OSBPL10: variants seen among roughly 807,000 people sequenced by gnomAD.
OSBPL10 encodes the protein oxysterol-binding protein-related protein 10.
Under a neutral mutation model 81.7 loss-of-function variants are expected in OSBPL10, and 49 were observed. The ratio of observed to expected loss-of-function variants is 0.60; its 90% CI spans 0.48 to 0.76. The LOEUF (loss-of-function observed/expected upper bound fraction) is 0.76, where lower values mean the gene tolerates loss of function less well. Ranked by LOEUF, OSBPL10 falls within the 30% of genes least tolerant of loss-of-function variation. The probability of loss-of-function intolerance (pLI) is 0.00; values close to 1 mark genes in which losing one functional copy is unlikely to be tolerated. For synonymous variants in OSBPL10, 419 were observed against 383.6 expected, an observed-to-expected ratio of 1.09 and a Z score of -1.08; for missense variants, 923 against 987.8, an observed-to-expected ratio of 0.93 and a Z score of 0.88.
chr3:31,882,686 C>T (rs1017664480), intron 1 of OSBPL10, among the ~76,000 whole-genome samples: 1 of 152,182 alleles, frequency 6.6e-6, no homozygotes, highest in Non-Finnish European at 1.5e-5. Context: ...CACACACACA[C>T]GCACTGGAAT....
chr3:31,792,190 C>A (rs1699028556), intron 4 of OSBPL10, among the ~76,000 whole-genome samples: 1 of 151,254 alleles, frequency 6.6e-6, no homozygotes, highest in Non-Finnish European at 1.5e-5. Context: ...AATCACACCA[C>A]TGCACTCCAG....
At chr3:31,973,599 A>C (rs1698620387) in intron 1 of OSBPL10, among the ~76,000 whole-genome samples, 1 of 152,218 alleles carries the variant, frequency 6.6e-6, no homozygotes. Context: ...GGTAAGAAGG[A>C]CTACACAGCT....
rs1553649807 is a variant in OSBPL10 at position 32,026,099 on chromosome 3, TAGATAG to T, written n.298+20386_298+20391del. 6.4e-3 allele frequency among the ~76,000 whole-genome samples: 949 copies of T among 148,544 alleles called. 33 individuals are homozygous for T. In the East Asian group the frequency reaches 0.11, roughly 17 times the overall value. On this transcript the variant is annotated intron_variant and non_coding_transcript_variant, in intron 2 of 3. Coordinates refer to the OSBPL10 transcript ENST00000479173. ...GATAGATAGATAGATAGATGATAGA[TAGATAG>T]AGATAGAGATAGAGACAGAGATAGA...
chr3:31,963,917 A>G (rs1698239755), intron 1 of OSBPL10, among the ~76,000 whole-genome samples: 1 of 151,742 alleles, frequency 6.6e-6, no homozygotes, highest in Non-Finnish European at 1.5e-5. Context: ...GGGACTAATG[A>G]CATGCATGAC....
chr3:32,072,102 C>T (rs1276347582), intron 1 of OSBPL10, among the ~76,000 whole-genome samples: 4 of 152,172 alleles, frequency 2.6e-5, no homozygotes, highest in African/African-American at 4.8e-5. Flanking sequence ...AAAGGAATTA[C>T]GCGTCAATAT....
chr3:31,863,028 GC>G (rs1198344271), intron 3 of OSBPL10, among the ~76,000 whole-genome samples: 1 of 152,126 alleles, frequency 6.6e-6, no homozygotes, highest in Non-Finnish European at 1.5e-5. Context: ...TATGCATCAA[GC>G]GATGAAGGGA....
chr3:31,786,085 G>A (rs1698852699), intron 4 of OSBPL10, among the ~76,000 whole-genome samples: 1 of 152,202 alleles, frequency 6.6e-6, no homozygotes, highest in Non-Finnish European at 1.5e-5. Context: ...ACCCAGGGAT[G>A]CCATTATTCC....
intron 1 of OSBPL10, among the ~76,000 whole-genome samples, chr3:32,047,399 G>A (rs908595997): frequency 6.6e-6 from 1 of 152,120 alleles, no homozygotes. Context: ...CTAAACAAGC[G>A]GTGGATTATT....
At chr3:32,037,820 G>A (rs1339136601) in intron 2 of OSBPL10, among the ~76,000 whole-genome samples, 1 of 152,124 alleles carries the variant, frequency 6.6e-6, no homozygotes, top group Non-Finnish European at 1.5e-5. Flanking sequence ...TATCTGCCCA[G>A]TGACAATCCC....
intron 3 of OSBPL10, among the ~76,000 whole-genome samples, chr3:31,854,782 A>T (rs973231689): frequency 6.6e-6 from 1 of 152,220 alleles, no homozygotes; most frequent in African/African-American, 2.4e-5. Context: ...TTATTATACG[A>T]ATAAATGAAT....
At chr3:31,664,856 T>G (rs1700152879) in intron 10 of OSBPL10, among the ~76,000 whole-genome samples, 1 of 152,130 alleles carries the variant, frequency 6.6e-6, no homozygotes, top group African/African-American at 2.4e-5. Context: ...CAAAGCCATT[T>G]CTCTGCTTCA....
intron 7 of OSBPL10, among the ~76,000 whole-genome samples, chr3:31,689,871 T>A (rs1355025060): frequency 6.6e-6 from 1 of 152,078 alleles, no homozygotes; most frequent in Non-Finnish European, 1.5e-5. Flanking sequence ...ATTAGCAGCA[T>A]GAAAATGGAC....
At chr3:31,835,760 A>C (rs957324146) in intron 3 of OSBPL10, among the ~76,000 whole-genome samples, 1 of 152,226 alleles carries the variant, frequency 6.6e-6, no homozygotes. Context: ...TCCTCTAAAA[A>C]AATTGTGCCA....
intron 4 of OSBPL10, among the ~76,000 whole-genome samples, chr3:31,785,543 C>CTTGT (rs1165770267): frequency 6.6e-6 from 1 of 152,160 alleles, no homozygotes; most frequent in Non-Finnish European, 1.5e-5. Flanking sequence ...AAGCACAACG[C>CTTGT]AATGGAAGGG....
intron 4 of OSBPL10, among the ~76,000 whole-genome samples, chr3:31,758,404 G>A (rs1367986819): frequency 6.6e-6 from 1 of 152,162 alleles, no homozygotes; most frequent in Non-Finnish European, 1.5e-5. Context: ...CCTGAAAACA[G>A]AGTTCACAGC....
intron 2 of OSBPL10, chr3:31,989,114 A>C (rs1447196856): frequency 6.2e-7 from 1 of 1,614,130 alleles, no homozygotes. Flanking sequence ...AAGAGGAAAG[A>C]AAAGGAGCCA....
intron 10 of OSBPL10, 167 bp from the exon 11 acceptor site, chr3:31,664,399 G>A (rs2125497351): frequency 1.6e-6 from 1 of 642,044 alleles, no homozygotes; most frequent in Non-Finnish European, 2.7e-6. Flanking sequence ...TTTGAACCCA[G>A]GGCTACCCAG....
chr3:32,007,620 C>T (rs1381525247), intron 2 of OSBPL10, among the ~76,000 whole-genome samples: 1 of 152,166 alleles, frequency 6.6e-6, no homozygotes, highest in East Asian at 1.9e-4. Flanking sequence ...TTCCCTCTGC[C>T]TCTCTCTTAT....
chr3:31,778,649 A>G (rs1698610284), intron 4 of OSBPL10, among the ~76,000 whole-genome samples: 1 of 152,180 alleles, frequency 6.6e-6, no homozygotes, highest in Non-Finnish European at 1.5e-5. Flanking sequence ...AATAATCGAG[A>G]AAAACTTGCC....
Sources: gnomAD v4.1 joint callset for allele counts (sites outside exome capture counted in the v4.1 genomes callset) on GRCh38, gnomAD v4.1.1 for gene constraint, MANE v1.5 for transcripts, NCBI Gene and HGNC (gene_info 2026-07-23, HGNC 2026-07-21) for gene names.